NMNAT1: variants seen among roughly 807,000 people sequenced by gnomAD.
NMNAT1 encodes nicotinamide/nicotinic acid mononucleotide adenylyltransferase 1.
Under a neutral mutation model 16.7 loss-of-function variants are expected in NMNAT1, and 11 were observed. The observed-to-expected ratio is 0.66, with a 90% confidence interval of 0.41 to 1.09. The LOEUF is 1.09. NMNAT1 is among the 50% of genes least tolerant of loss of function. NMNAT1 has a pLI of 0.00. For synonymous variants in NMNAT1, 110 were observed against 119.8 expected (o/e 0.92, Z 0.53); for missense variants, 280 against 332.3 (o/e 0.84, Z 1.22).
chr1:9,976,261 T>C (rs1343879286), intron 3 of NMNAT1, among the ~76,000 whole-genome samples: 1 of 142,076 alleles, frequency 7.0e-6, no homozygotes, highest in Admixed American at 7.6e-5. Context: ...CACTCCAGCC[T>C]GGGTGACAGA....
At chr1:9,991,548 G>T in the NMNAT1 span, among the ~76,000 whole-genome samples, 1 of 152,100 alleles carries the variant, frequency 6.6e-6, no homozygotes, top group African/African-American at 2.4e-5. Flanking sequence ...GCTTCTCAAT[G>T]AAAATGGCAT....
the NMNAT1 span, among the ~76,000 whole-genome samples, chr1:9,994,933 A>G: frequency 7.3e-4 from 111 of 152,094 alleles, 1 homozygote; most frequent in African/African-American, 2.4e-3. Context: ...TTTTTAGTAG[A>G]GATGGGGTTT....
intron 2 of NMNAT1, among the ~76,000 whole-genome samples, chr1:9,975,378 G>A (rs1314139500): frequency 5.3e-5 from 8 of 152,072 alleles, no homozygotes; most frequent in Non-Finnish European, 1.0e-4. Context: ...GCATGCGCCC[G>A]TAATCCCAGC....
chr1:9,979,501 C>CA (rs1286697141), intron 3 of NMNAT1, among the ~76,000 whole-genome samples: 1 of 151,862 alleles, frequency 6.6e-6, no homozygotes, highest in East Asian at 1.9e-4. Flanking sequence ...AACATTCACT[C>CA]AATCAAATTG....
At chr1:9,977,081 A>G (rs1158901846) in intron 3 of NMNAT1, among the ~76,000 whole-genome samples, 2 of 151,030 alleles carry the variant, frequency 1.3e-5, no homozygotes, top group African/African-American at 2.4e-5. Flanking sequence ...TAATTTTTGT[A>G]TTTTTAGTAG....
chr1:9,975,644 G>A lies in NMNAT1; in HGVS notation c.168G>A (p.Lys56=). Reference sequence around the variant, plus strand: ...TCTCTCCTGTTGGTGATGCCTACAAGAAGAAAGGACTCATTCCTGCCTATC... The same window carrying A: ...TCTCTCCTGTTGGTGATGCCTACAAAAAGAAAGGACTCATTCCTGCCTATC... ...GIISPVGDAY[K]KKGLIPAYHR... Residue 56 remains lysine, a synonymous_variant, in exon 3 of 5, where the codon AAG becomes AAA. Coordinates refer to ENST00000377205, the MANE Select transcript of NMNAT1 (RefSeq NM_022787.4). The A allele has an allele frequency of 6.2e-7, 1 of 1,614,008 alleles. No homozygotes were observed. The highest frequency in any genetic ancestry group is 8.5e-7 in the Non-Finnish European group (1 of 1,179,982).
intron 1 of NMNAT1, among the ~76,000 whole-genome samples, chr1:9,964,766 G>A (rs189999317): frequency 6.6e-6 from 1 of 151,076 alleles, no homozygotes. Flanking sequence ...GGGCTAACAC[G>A]GTGAAACCCC....
intron 2 of NMNAT1, among the ~76,000 whole-genome samples, chr1:9,973,045 G>A (rs1025888655): frequency 2.0e-5 from 3 of 152,208 alleles, no homozygotes; most frequent in Admixed American, 6.5e-5. Context: ...GGCAAAAAGC[G>A]AAAGCTTGTA....
At chr1:9,963,301 C>G (rs1411810008) in intron 1 of NMNAT1, among the ~76,000 whole-genome samples, 2 of 152,088 alleles carry the variant, frequency 1.3e-5, no homozygotes, top group East Asian at 3.8e-4. Flanking sequence ...TACTATTGGG[C>G]TACAAATGAA....
chr1:9,972,320 C>G, intron 2 of NMNAT1, 132 bp downstream of exon 2: 1 of 627,568 alleles, frequency 1.6e-6, no homozygotes. Flanking sequence ...ACCATCCTAG[C>G]CAACATGGTA....
At chr1:9,978,781 T>C (rs1009118204) in intron 3 of NMNAT1, among the ~76,000 whole-genome samples, 11 of 152,216 alleles carry the variant, frequency 7.2e-5, no homozygotes, top group African/African-American at 2.7e-4. Context: ...TTGATGTTAT[T>C]TGGGTAACAT....
At chr1:9,990,686 A>G in the NMNAT1 span, among the ~76,000 whole-genome samples, 1 of 152,166 alleles carries the variant, frequency 6.6e-6, no homozygotes, top group Non-Finnish European at 1.5e-5. Context: ...CTGAACCAGC[A>G]TCAGACTCCA....
At chr1:9,952,065 G>A (rs1053025620) in intron 1 of NMNAT1, among the ~76,000 whole-genome samples, 2 of 152,058 alleles carry the variant, frequency 1.3e-5, no homozygotes, top group African/African-American at 4.8e-5. Context: ...TTGGGAGGCC[G>A]AGGTGGGTGG....
intron 3 of NMNAT1, among the ~76,000 whole-genome samples, chr1:9,980,483 C>T (rs1000110109): frequency 1.3e-5 from 2 of 150,268 alleles, no homozygotes; most frequent in African/African-American, 4.9e-5. Flanking sequence ...ATTGGCTGAG[C>T]GTGGTGGTGC....
At chr1:9,992,947 CT>C in the NMNAT1 span, among the ~76,000 whole-genome samples, 2 of 151,908 alleles carry the variant, frequency 1.3e-5, no homozygotes, top group Non-Finnish European at 2.9e-5. Flanking sequence ...GACTGTACCC[CT>C]AATAGTGACT....
chr1:9,991,896 C>CG, the NMNAT1 span, among the ~76,000 whole-genome samples: 4 of 149,654 alleles, frequency 2.7e-5, no homozygotes, highest in Non-Finnish European at 5.9e-5. Context: ...AAAAATAAGA[C>CG]GAAAAAAAAA....
At chr1:9,945,244 C>T (rs1401309963) in intron 1 of NMNAT1, among the ~76,000 whole-genome samples, 1 of 151,762 alleles carries the variant, frequency 6.6e-6, no homozygotes, top group East Asian at 1.9e-4. Context: ...AAAAACAAAA[C>T]AAAACAAAAC....
intron 1 of NMNAT1, chr1:9,952,335 A>G (rs190242214): frequency 3.3e-5 from 5 of 152,156 alleles, no homozygotes; most frequent in African/African-American, 1.2e-4. Context: ...GTTTAAAAAC[A>G]TACACAGTCT....
At chr1:9,963,137 G>C (rs12071307) in intron 1 of NMNAT1, among the ~76,000 whole-genome samples, 13,027 of 152,084 alleles carry the variant, frequency 0.086, 779 homozygotes, top group East Asian at 0.21. Context: ...AATCTACACT[G>C]TTCCAGTTTA....
Sources: allele counts gnomAD v4.1 joint callset (sites outside exome capture counted in the v4.1 genomes callset), GRCh38; gene constraint gnomAD v4.1.1; transcripts MANE v1.5; gene names NCBI Gene and HGNC (gene_info 2026-07-23, HGNC 2026-07-21).